The following SEM1 variants were observed in gnomAD, a reference collection of about 807,000 sequenced individuals.
SEM1 encodes 26S proteasome complex subunit SEM1.
A neutral mutation model predicts 12.7 loss-of-function variants in SEM1; 3 were observed. The observed-to-expected ratio is 0.24, with a 90% CI of 0.11 to 0.61. SEM1 has a LOEUF of 0.61. Ranked by LOEUF, SEM1 falls within the 20% of genes least tolerant of loss-of-function variation. The pLI is 0.88. For synonymous variants in SEM1, 30 were observed against 27.8 expected (o/e 1.08, Z -0.25); for missense variants, 59 against 81.3 (o/e 0.73, Z 1.06).
At chr7:96,664,330 C>G (rs1040162311) in intron 2 of SEM1, 5 of 152,180 alleles carry the variant, frequency 3.3e-5, no homozygotes, top group African/African-American at 1.2e-4. Flanking sequence ...TGGCACAATT[C>G]CGTTCTTTGA....
At chr7:96,588,289 A>G (rs1308814885) in intron 2 of SEM1, among the ~76,000 whole-genome samples, 8 of 151,096 alleles carry the variant, frequency 5.3e-5, no homozygotes, top group Non-Finnish European at 7.4e-5. Flanking sequence ...GGAGGCTGCA[A>G]TGAGCCACGA....
chr7:96,537,437 A>G (rs181780446), intron 2 of SEM1, among the ~76,000 whole-genome samples: 1 of 151,800 alleles, frequency 6.6e-6, no homozygotes, highest in Non-Finnish European at 1.5e-5. Context: ...TTTTCAGGGT[A>G]TGTCTACTGG....
chr7:96,483,352 G>A (rs1202337307), exon 4 of SEM1: 1 of 160,134 alleles, frequency 6.2e-6, no homozygotes, highest in African/African-American at 2.4e-5. Flanking sequence ...CTAATATTAA[G>A]ATATAACAGG....
At chr7:96,674,108 A>G (rs1033258824) in intron 2 of SEM1, among the ~76,000 whole-genome samples, 4 of 152,056 alleles carry the variant, frequency 2.6e-5, no homozygotes, top group African/African-American at 4.8e-5. Flanking sequence ...GCTATTCTCT[A>G]TTACAGAGTC....
At chr7:96,513,976 A>G (rs1347624264) in intron 2 of SEM1, among the ~76,000 whole-genome samples, 1 of 152,124 alleles carries the variant, frequency 6.6e-6, no homozygotes, top group Non-Finnish European at 1.5e-5. Flanking sequence ...ATATCAATTC[A>G]TACAGATCTA....
chr7:96,642,300 C>T (rs898814678), intron 2 of SEM1, among the ~76,000 whole-genome samples: 1 of 152,010 alleles, frequency 6.6e-6, no homozygotes, highest in African/African-American at 2.4e-5. Flanking sequence ...AGATATTCTA[C>T]CTAGAGTTTA....
chr7:96,638,235 G>A (rs929894156), intron 2 of SEM1, among the ~76,000 whole-genome samples: 3 of 151,886 alleles, frequency 2.0e-5, no homozygotes, highest in African/African-American at 7.2e-5. Context: ...GACTTAATTG[G>A]TACTTGCCTT....
chr7:96,672,223 G>C, downstream of SEM1, among the ~76,000 whole-genome samples: 1 of 152,166 alleles, frequency 6.6e-6, no homozygotes, highest in East Asian at 1.9e-4. Flanking sequence ...GCGAACAGTG[G>C]TGGGCAGGAA....
downstream of SEM1, among the ~76,000 whole-genome samples, chr7:96,685,487 G>A (rs1484771632): frequency 6.6e-6 from 1 of 152,050 alleles, no homozygotes; most frequent in Admixed American, 6.6e-5. Flanking sequence ...ATTTATGTAA[G>A]ACTATATTAA....
At chr7:96,681,887 T>A (rs1789623986) in intron 2 of SEM1, among the ~76,000 whole-genome samples, 1 of 152,174 alleles carries the variant, frequency 6.6e-6, no homozygotes, top group Non-Finnish European at 1.5e-5. Context: ...TGGTTTCATA[T>A]GAAATTTAAA....
intron 3 of SEM1, among the ~76,000 whole-genome samples, chr7:96,503,012 T>G (rs765913858): frequency 6.6e-6 from 1 of 152,188 alleles, no homozygotes; most frequent in Non-Finnish European, 1.5e-5. Context: ...AAATAATGAT[T>G]GGCAAGGTCT....
At chr7:96,532,382 T>C (rs1804667837) in intron 2 of SEM1, among the ~76,000 whole-genome samples, 1 of 152,136 alleles carries the variant, frequency 6.6e-6, no homozygotes, top group Admixed American at 6.6e-5. Context: ...AAGCATTCAG[T>C]GTTGTCTTGG....
intron 2 of SEM1, among the ~76,000 whole-genome samples, chr7:96,511,829 C>T (rs551667546): frequency 2.0e-5 from 3 of 152,130 alleles, no homozygotes; most frequent in East Asian, 1.9e-4. Flanking sequence ...CTGATGTGAA[C>T]GTTACATGTG....
rs1470565509 is a variant in SEM1 at position 96,627,917 on chromosome 7, CTAA to C, written c.171-5277_171-5275del. Among the ~76,000 whole-genome samples, 6 of 152,120 alleles carry C rather than the reference CTAA, an allele frequency of 3.9e-5. No homozygotes were observed. The East Asian group carries it at 1.2e-3, about 29-fold the overall frequency. On this transcript the variant is annotated intron_variant, in intron 2 of 2. Transcript: ENST00000417009. ...TTGGAGCCTATCTTTCTCTTTAGCT[CTAA>C]TAATATTTGCTTTATATCTCTGAGT...
chr7:96,538,031 T>C (rs1288641325), intron 2 of SEM1, among the ~76,000 whole-genome samples: 1 of 151,802 alleles, frequency 6.6e-6, no homozygotes, highest in Non-Finnish European at 1.5e-5. Context: ...ATGTTTCTGT[T>C]GACTTATTTT....
At chr7:96,634,597 T>C (rs893175717) in intron 2 of SEM1, among the ~76,000 whole-genome samples, 1 of 148,332 alleles carries the variant, frequency 6.7e-6, no homozygotes, top group African/African-American at 2.4e-5. Flanking sequence ...ATAAGATATG[T>C]ATATAATATA....
At chr7:96,626,768 T>C (rs1808083795) in intron 2 of SEM1, among the ~76,000 whole-genome samples, 1 of 152,126 alleles carries the variant, frequency 6.6e-6, no homozygotes. Context: ...GATGTATCTG[T>C]CTGATTTTGG....
Position 96,529,949 on chromosome 7 carries a change from C to T in SEM1, c.171-23251G>A, listed in dbSNP as rs187696321. On this transcript the variant is annotated intron_variant and NMD_transcript_variant, in intron 2 of 3. Transcript: ENST00000466986. The stretch of plus-strand genomic sequence containing the variant: ...TCCTAGCATAAAAACAGTTGTACAA[C>T]TTCCTTCCTGAAACACTGTGCAGAA... Among the ~76,000 whole-genome samples the T allele has an allele frequency of 6.6e-5, 10 of 152,214 alleles. No homozygotes were observed. In the East Asian group the frequency reaches 1.2e-3, roughly 18 times the overall value.
At chr7:96,522,891 CAAAAAAA>C (rs540895823) in intron 2 of SEM1, among the ~76,000 whole-genome samples, 2 of 87,664 alleles carry the variant, frequency 2.3e-5, no homozygotes, top group East Asian at 3.2e-4. Context: ...AACTCCATCT[CAAAAAAA>C]AAAAAAAAAA....
Sources: gnomAD v4.1 joint callset for allele counts (sites outside exome capture counted in the v4.1 genomes callset) on GRCh38, gnomAD v4.1.1 for gene constraint, MANE v1.5 for transcripts, NCBI Gene and HGNC (gene_info 2026-07-23, HGNC 2026-07-21) for gene names.